SPATA6: variants seen among roughly 807,000 people sequenced by gnomAD.
The protein encoded by SPATA6 is spermatogenesis associated 6, also known as spermatogenesis-associated protein 6.
Under a neutral mutation model 65.3 loss-of-function variants are expected in SPATA6, and 56 were observed. The observed-to-expected ratio is 0.86, with a 90% CI of 0.69 to 1.07. SPATA6 has a LOEUF of 1.07. Ranked by LOEUF, SPATA6 falls within the 50% of genes least tolerant of loss-of-function variation. The pLI is 0.00. For missense variants in SPATA6, 590 were observed against 594.8 expected (o/e 0.99, Z 0.08); for synonymous variants, 199 against 213.2 (o/e 0.93, Z 0.58).
intron 9 of SPATA6, among the ~76,000 whole-genome samples, chr1:48,366,344 G>A (rs1242431495): frequency 6.6e-6 from 1 of 152,084 alleles, no homozygotes; most frequent in Non-Finnish European, 1.5e-5. Flanking sequence ...TTTTTCTATT[G>A]ATTGGAATAG....
At chr1:48,289,709 G>C in the SPATA6 span, among the ~76,000 whole-genome samples, 11 of 152,322 alleles carry the variant, frequency 7.2e-5, no homozygotes, top group Admixed American at 7.2e-4. Context: ...GCATGCACAA[G>C]CTTCAGTAGC....
At chr1:48,471,929 CG>C in intron 1 of SPATA6, 28 bp downstream of exon 1, 1 of 1,604,552 alleles carries the variant, frequency 6.2e-7, no homozygotes. Context: ...AGCCAATGCC[CG>C]GGGGTGGGAG....
chr1:48,368,716 T>C (rs1647121653), intron 9 of SPATA6, among the ~76,000 whole-genome samples: 1 of 152,226 alleles, frequency 6.6e-6, no homozygotes, highest in Non-Finnish European at 1.5e-5. Context: ...TTCAAAGTTG[T>C]TAACTTCTTT....
At chr1:48,466,928 T>C (rs951031453) in intron 1 of SPATA6, among the ~76,000 whole-genome samples, 3 of 152,102 alleles carry the variant, frequency 2.0e-5, no homozygotes, top group Non-Finnish European at 2.9e-5. Context: ...TTACCTCCAA[T>C]ATCTTCCATT....
At chr1:48,318,373 A>G (rs1645501633) in intron 11 of SPATA6, among the ~76,000 whole-genome samples, 1 of 152,164 alleles carries the variant, frequency 6.6e-6, no homozygotes, top group Non-Finnish European at 1.5e-5. Context: ...TGTATTTTAA[A>G]AATTCCACAC....
At chr1:48,268,708 C>T in the SPATA6 span, among the ~76,000 whole-genome samples, 9 of 152,112 alleles carry the variant, frequency 5.9e-5, no homozygotes, top group African/African-American at 2.2e-4. Flanking sequence ...TTTAGCTTCA[C>T]ATGTAAAACC....
chr1:48,314,959 C>T (rs149816942), intron 11 of SPATA6, among the ~76,000 whole-genome samples: 1 of 152,130 alleles, frequency 6.6e-6, no homozygotes, highest in Non-Finnish European at 1.5e-5. Flanking sequence ...TGGATAAATC[C>T]TTGACACATA....
the SPATA6 span, among the ~76,000 whole-genome samples, chr1:48,273,624 G>C: frequency 6.6e-6 from 1 of 152,174 alleles, no homozygotes; most frequent in African/African-American, 2.4e-5. Context: ...AGTTTGCTGA[G>C]AACGATGGTT....
chr1:48,330,698 C>T (rs929594452), intron 11 of SPATA6, among the ~76,000 whole-genome samples: 3 of 152,232 alleles, frequency 2.0e-5, no homozygotes, highest in Admixed American at 1.3e-4. Flanking sequence ...CCTGAAAAAG[C>T]CTGAAAGGCA....
intron 11 of SPATA6, among the ~76,000 whole-genome samples, chr1:48,349,807 T>C (rs1646468202): frequency 6.6e-6 from 1 of 151,932 alleles, no homozygotes; most frequent in Non-Finnish European, 1.5e-5. Context: ...ATCATTCTTT[T>C]TTATTGTTGA....
At chr1:48,287,816 C>T in the SPATA6 span, among the ~76,000 whole-genome samples, 1 of 152,330 alleles carries the variant, frequency 6.6e-6, no homozygotes, top group Non-Finnish European at 1.5e-5. Flanking sequence ...AACAAACTAA[C>T]ACACTGGGAC....
At chr1:48,406,345 C>G (rs1324659883) in intron 5 of SPATA6, among the ~76,000 whole-genome samples, 1 of 152,050 alleles carries the variant, frequency 6.6e-6, no homozygotes, top group Non-Finnish European at 1.5e-5. Flanking sequence ...TCAAAGTTAT[C>G]TCCTTTATTT....
chr1:48,403,688 T>C, intron 6 of SPATA6, 114 bp downstream of exon 6: 1 of 717,694 alleles, frequency 1.4e-6, no homozygotes. Context: ...AACTAAAAAT[T>C]GACCCCCCAA....
chr1:48,463,089 T>G (rs1223481928), intron 1 of SPATA6, among the ~76,000 whole-genome samples: 5 of 152,162 alleles, frequency 3.3e-5, no homozygotes, highest in African/African-American at 1.2e-4. Context: ...TCTCAGGCCT[T>G]TGTACTCAGA....
intron 11 of SPATA6, among the ~76,000 whole-genome samples, chr1:48,337,943 G>T (rs1016401788): frequency 1.3e-5 from 2 of 151,952 alleles, no homozygotes; most frequent in Non-Finnish European, 2.9e-5. Context: ...CAAAAACTCA[G>T]TGGGTTCTGG....
chr1:48,345,607 AAAG>A (rs1646342055), intron 11 of SPATA6, among the ~76,000 whole-genome samples: 1 of 152,024 alleles, frequency 6.6e-6, no homozygotes, highest in Admixed American at 6.6e-5. Context: ...CTAGACTAAT[AAAG>A]AAGAAAAGAG....
intron 1 of SPATA6, among the ~76,000 whole-genome samples, chr1:48,453,358 T>C (rs978808132): frequency 1.3e-5 from 2 of 152,198 alleles, no homozygotes; most frequent in Non-Finnish European, 2.9e-5. Context: ...TGGTTACTTG[T>C]GCCACATTTG....
the SPATA6 span, among the ~76,000 whole-genome samples, chr1:48,287,031 CTG>C: frequency 7.9e-6 from 1 of 126,252 alleles, no homozygotes; most frequent in Non-Finnish European, 1.6e-5. Context: ...AAGAGTTAGA[CTG>C]TCTCAAAAAA....
At position 48,298,506 on chromosome 1, in the gene SPATA6, T is replaced by C. The variant is rs1312177090; in HGVS notation, c.*207A>G. Reference sequence around the variant, plus strand: ...TTGTGTGACAGAGCTCTAATGTTTGTAACACAGCAGACTCTTCTGTAATAA... The same window carrying C: ...TTGTGTGACAGAGCTCTAATGTTTGCAACACAGCAGACTCTTCTGTAATAA... On this transcript the variant is annotated 3_prime_UTR_variant, in exon 13 of 13. Transcript: ENST00000371847. 4.4e-6 allele frequency: 2 copies of C among 450,076 alleles called. No individual in the cohort carries two copies. The highest frequency in any genetic ancestry group is 4.0e-5 in the African/African-American group (2 of 50,262). 27.9% of individuals were successfully genotyped at this position (450,076 alleles called of 1,614,324 possible). A position where few individuals can be genotyped will look rare whatever the true frequency, so the allele number is the denominator to read the frequency against.
Sources: gnomAD v4.1 joint callset for allele counts (sites outside exome capture counted in the v4.1 genomes callset) on GRCh38, gnomAD v4.1.1 for gene constraint, MANE v1.5 for transcripts, NCBI Gene and HGNC (gene_info 2026-07-23, HGNC 2026-07-21) for gene names.